The following CPS1 variants were observed in gnomAD, a reference collection of about 807,000 sequenced individuals.
CPS1 encodes carbamoyl-phosphate synthase [ammonia], mitochondrial.
A neutral mutation model predicts 174.6 loss-of-function variants in CPS1; 109 were observed. That is an observed-to-expected ratio of 0.62 (90% confidence interval 0.53 to 0.73). The LOEUF is 0.73. Among genes scored for constraint, CPS1 ranks in the 30% least tolerant of loss-of-function variants. CPS1 has a pLI of 0.00. For missense variants in CPS1, 1,689 were observed against 1,821.9 expected, an observed-to-expected ratio of 0.93 and a Z score of 1.33; for synonymous variants, 637 against 632.0, an observed-to-expected ratio of 1.01 and a Z score of -0.12.
chr2:210,664,115 G>T (rs1328833330), intron 33 of CPS1, among the ~76,000 whole-genome samples: 2 of 152,090 alleles, frequency 1.3e-5, no homozygotes, highest in African/African-American at 4.8e-5. Flanking sequence ...TCTTAGAAAG[G>T]GGACTCTTTG....
chr2:210,486,115 T>A (rs62203677), intron 1 of CPS1, among the ~76,000 whole-genome samples: 1 of 135,666 alleles, frequency 7.4e-6, no homozygotes, highest in Non-Finnish European at 1.5e-5. Context: ...CACACACACA[T>A]ACACACACAC....
intron 1 of CPS1, among the ~76,000 whole-genome samples, chr2:210,549,678 G>C (rs982358229): frequency 2.0e-5 from 3 of 151,888 alleles, no homozygotes; most frequent in Non-Finnish European, 4.4e-5. Context: ...TTAGATATTT[G>C]GTTTTTATAT....
chr2:210,629,416 G>A (rs1186603127), intron 21 of CPS1, among the ~76,000 whole-genome samples: 1 of 151,896 alleles, frequency 6.6e-6, no homozygotes, highest in East Asian at 2.0e-4. Flanking sequence ...CCGGGTTCAC[G>A]CCATTCTCCT....
chr2:210,577,601 C>G, intron 4 of CPS1, 91 bp downstream of exon 4: 1 of 951,892 alleles, frequency 1.1e-6, no homozygotes, highest in South Asian at 1.3e-5. Context: ...AGAGGAAGAT[C>G]ATGTAGTTTG....
chr2:210,631,361 G>A (rs2105887890), intron 21 of CPS1: 1 of 152,228 alleles, frequency 6.6e-6, no homozygotes, highest in Admixed American at 6.5e-5. Context: ...AGTGTGAGTG[G>A]AGGAAATTTC....
Position 210,658,667 on chromosome 2 carries a change from T to C in CPS1, c.3735T>C (p.Leu1245=). ...AISGPFNVQF[L]VKGNDVLVIE... The stretch of plus-strand genomic sequence containing the variant: ...CTGGTCCATTCAACGTCCAATTTCT[T>C]GTCAAAGGAAATGATGTCTTGGTAA... Residue 1245 remains leucine, a synonymous_variant, in exon 31 of 38, where the codon CTT becomes CTC. Coordinates refer to ENST00000233072, the MANE Select transcript of CPS1 (RefSeq NM_001875.5). The C allele has an allele frequency of 6.2e-7, 1 of 1,613,888 alleles. No homozygotes were observed. The highest frequency in any genetic ancestry group is 1.7e-5 in the Admixed American group (1 of 60,020).
intron 23 of CPS1, 120 bp downstream of exon 23, chr2:210,639,335 G>A (rs949879633): frequency 1.7e-5 from 14 of 823,256 alleles, no homozygotes; most frequent in African/African-American, 1.0e-4. Context: ...CATCATGGCC[G>A]GGCGCGGTGG....
intron 1 of CPS1, chr2:210,477,800 A>G: frequency 6.2e-7 from 1 of 1,612,308 alleles, no homozygotes; most frequent in Non-Finnish European, 8.5e-7. Flanking sequence ...TCATGTTTTA[A>G]AAGATGGGTG....
At chr2:210,479,886 G>T (rs1574454440) in intron 1 of CPS1, among the ~76,000 whole-genome samples, 2 of 152,170 alleles carry the variant, frequency 1.3e-5, no homozygotes, top group East Asian at 3.9e-4. Flanking sequence ...TTGTATTATT[G>T]CCTCTAAAAC....
intron 2 of CPS1, among the ~76,000 whole-genome samples, chr2:210,574,258 T>C (rs1422428326): frequency 6.6e-6 from 1 of 152,078 alleles, no homozygotes; most frequent in Admixed American, 6.6e-5. Flanking sequence ...AAAACATGAC[T>C]AGATTGATTG....
chr2:210,488,190 T>C (rs970984336), intron 1 of CPS1, among the ~76,000 whole-genome samples: 2 of 151,966 alleles, frequency 1.3e-5, no homozygotes, highest in Non-Finnish European at 2.9e-5. Context: ...AGAAATCATA[T>C]ATTCTTCAAG....
chr2:210,496,188 G>A (rs1454740444), intron 1 of CPS1, among the ~76,000 whole-genome samples: 2 of 152,112 alleles, frequency 1.3e-5, no homozygotes, highest in Admixed American at 1.3e-4. Context: ...CTGTCCCTGG[G>A]TTCTGTGATT....
At chr2:210,481,293 C>T (rs1249656416) in intron 1 of CPS1, among the ~76,000 whole-genome samples, 1 of 152,184 alleles carries the variant, frequency 6.6e-6, no homozygotes, top group Non-Finnish European at 1.5e-5. Flanking sequence ...GGAGACTTCC[C>T]CCTTTGCTGT....
intron 6 of CPS1, among the ~76,000 whole-genome samples, chr2:210,584,455 C>T (rs1010679054): frequency 9.2e-5 from 14 of 152,040 alleles, no homozygotes; most frequent in Admixed American, 2.6e-4. Flanking sequence ...TACATGTGGA[C>T]GCAAAATTTG....
At chr2:210,588,287 C>A in intron 7 of CPS1, 140 bp downstream of exon 7, 1 of 759,392 alleles carries the variant, frequency 1.3e-6, no homozygotes, top group South Asian at 1.5e-5. Context: ...TTTTGATTTA[C>A]AAAATAACAC....
intron 23 of CPS1, among the ~76,000 whole-genome samples, chr2:210,639,761 A>C (rs573931822): frequency 1.2e-4 from 18 of 152,290 alleles, no homozygotes; most frequent in African/African-American, 3.4e-4. Flanking sequence ...ATGATCATAC[A>C]ATTATGCTAT....
Position 210,660,661 on chromosome 2 carries a change from A to G in CPS1, c.3927+6A>G, listed in dbSNP as rs1458402457. On this transcript the variant is annotated splice_donor_region_variant and intron_variant, in intron 32 of 37. Transcript: ENST00000233072. ...CTGACTATGTTGCAATTAAGGTAAC[A>G]TTTTCAAAAATTTATTAGTCATTTT... 5 of 1,612,620 alleles carry G rather than the reference A, an allele frequency of 3.1e-6. No homozygotes were observed. The highest frequency in any genetic ancestry group is 4.2e-6 in the Non-Finnish European group (5 of 1,178,638).
intron 2 of CPS1, among the ~76,000 whole-genome samples, chr2:210,575,986 G>A (rs556299689): frequency 3.6e-4 from 54 of 152,082 alleles, no homozygotes; most frequent in African/African-American, 1.3e-3. Context: ...ATGATATCTG[G>A]TAGGCCAGGG....
chr2:210,606,575 G>T (rs1698918045), intron 17 of CPS1, among the ~76,000 whole-genome samples, 156 bp from the exon 18 acceptor site: 1 of 151,814 alleles, frequency 6.6e-6, no homozygotes, highest in Non-Finnish European at 1.5e-5. Context: ...AGTAATATGG[G>T]CAAAACAGGA....
Sources: gnomAD v4.1 joint callset for allele counts (sites outside exome capture counted in the v4.1 genomes callset) on GRCh38, gnomAD v4.1.1 for gene constraint, MANE v1.5 for transcripts, NCBI Gene and HGNC (gene_info 2026-07-23, HGNC 2026-07-21) for gene names.